The following HTT variants were observed in gnomAD, a reference collection of about 807,000 sequenced individuals.
The protein encoded by HTT is huntingtin, also known as huntington disease protein.
HTT carries 104 observed loss-of-function variants against 362.3 expected under a neutral mutation model. The observed-to-expected ratio is 0.29, with a 90% CI of 0.24 to 0.34. HTT has a LOEUF of 0.34. Ranked by LOEUF, HTT falls within the 10% of genes least tolerant of loss-of-function variation. The pLI, the probability that HTT is intolerant of heterozygous loss-of-function variation, is 1.00. For synonymous variants in HTT, 1,577 were observed against 1,548.7 expected (o/e 1.02, Z -0.43); for missense variants, 3,301 against 3,928.6 (o/e 0.84, Z 4.27).
chr4:3,130,458 C>G, intron 14 of HTT, 35 bp downstream of exon 14: 1 of 1,195,866 alleles, frequency 8.4e-7, no homozygotes, highest in Non-Finnish European at 1.2e-6. Context: ...CTTGGTGTTT[C>G]TGAGCTTGTG....
chr4:3,107,309 G>T lies in HTT; in HGVS notation c.633G>T (p.Pro211=). ...KCRPYLVNLL[P]CLTRTSKRPE... is the part of the protein sequence containing the mutation. ...GGCCTTACCTGGTGAACCTTCTGCC[G>T]TGCCTGACTCGAACAAGCAAGAGAC... Residue 211 remains proline, a synonymous_variant, in exon 6 of 67, where the codon CCG becomes CCT. Transcript: ENST00000355072. 3 of 1,614,166 alleles carry T rather than the reference G, an allele frequency of 1.9e-6. No homozygotes were observed. The highest frequency in any genetic ancestry group is 1.1e-5 in the South Asian group (1 of 91,082).
chr4:3,164,298 T>G (rs2110222227), intron 29 of HTT, among the ~76,000 whole-genome samples: 1 of 152,358 alleles, frequency 6.6e-6, no homozygotes. Context: ...AGACAGTTTG[T>G]TGTGATTTCT....
intron 38 of HTT, 108 bp from the exon 39 acceptor site, chr4:3,187,542 TG>T (rs1718824601): frequency 8.0e-6 from 6 of 749,912 alleles, no homozygotes; most frequent in Admixed American, 2.2e-5. Flanking sequence ...AGAGGTTTAT[TG>T]GTAGGATAGT....
chr4:3,178,359 T>C lies in HTT; in HGVS notation c.4525T>C (p.Tyr1509His), dbSNP rs1371341084. ...CTTGGTATTACTATCTTATGAACGC[T>C]ATCATTCAAAACAGATCATTGGAAT... ...FFLVLLSYER[Y>H]HSKQIIGIPK... is the part of the protein sequence containing the mutation. The change falls in exon 35 of 67, where the codon TAT becomes CAT. Residue 1509 changes from tyrosine to histidine, a missense_variant. By Grantham distance (83) the Tyr-to-His change is moderately conservative (BLOSUM62 2). Coordinates refer to ENST00000355072, the MANE Select transcript of HTT (RefSeq NM_001388492.1). The C allele has an allele frequency of 6.2e-7, 1 of 1,612,092 alleles. No homozygotes were observed. Among genetic ancestry groups the C allele is most frequent in the Non-Finnish European group, 8.5e-7 (1 of 1,178,106 alleles).
intron 60 of HTT, among the ~76,000 whole-genome samples, chr4:3,230,782 C>A (rs765410950): frequency 1.3e-5 from 2 of 152,048 alleles, no homozygotes; most frequent in African/African-American, 2.4e-5. Flanking sequence ...TTAGAAGGGC[C>A]CCAATCCACA....
At chr4:3,108,255 G>A (rs1192591517) in intron 6 of HTT, among the ~76,000 whole-genome samples, 1 of 152,222 alleles carries the variant, frequency 6.6e-6, no homozygotes, top group African/African-American at 2.4e-5. Context: ...GGAATAAACT[G>A]TTAGCCTCTC....
intron 64 of HTT, among the ~76,000 whole-genome samples, chr4:3,237,285 G>T: frequency 6.6e-6 from 1 of 152,164 alleles, no homozygotes; most frequent in South Asian, 2.1e-4. Flanking sequence ...TGTTGGCTGG[G>T]CTGGTCTCGA....
intron 61 of HTT, among the ~76,000 whole-genome samples, chr4:3,234,289 C>G (rs1721413016): frequency 6.6e-6 from 1 of 152,236 alleles, no homozygotes; most frequent in Non-Finnish European, 1.5e-5. Flanking sequence ...TTGCCCTCAT[C>G]CAGGCCAGAG....
At chr4:3,089,019 A>G (rs1020536731) in intron 2 of HTT, among the ~76,000 whole-genome samples, 1 of 152,202 alleles carries the variant, frequency 6.6e-6, no homozygotes, top group African/African-American at 2.4e-5. Flanking sequence ...GGAAAAAAAA[A>G]GGTTTGAATT....
chr4:3,211,816 G>T, intron 47 of HTT, 113 bp from the exon 48 acceptor site: 1 of 743,104 alleles, frequency 1.3e-6, no homozygotes, highest in Non-Finnish European at 2.3e-6. Context: ...ATACCAATTT[G>T]TATTTTCTCA....
At chr4:3,124,401 T>A (rs1252831604) in intron 10 of HTT, among the ~76,000 whole-genome samples, 1 of 152,188 alleles carries the variant, frequency 6.6e-6, no homozygotes, top group Non-Finnish European at 1.5e-5. Flanking sequence ...TTCAAACTCT[T>A]CTGTTATAGC....
chr4:3,238,668 G>C, intron 65 of HTT, 59 bp downstream of exon 65: 1 of 1,522,186 alleles, frequency 6.6e-7, no homozygotes, highest in East Asian at 2.3e-5. Flanking sequence ...AGTTGCCTCC[G>C]ACTTCCCAGC....
intron 57 of HTT, among the ~76,000 whole-genome samples, chr4:3,226,318 C>T (rs925255975): frequency 5.3e-5 from 8 of 152,040 alleles, no homozygotes; most frequent in African/African-American, 1.9e-4. Context: ...TGAAGGGATT[C>T]AAGGGTCTGG....
intron 10 of HTT, 119 bp from the exon 11 acceptor site, chr4:3,125,430 A>G (rs1230702983): frequency 1.6e-6 from 1 of 616,114 alleles, no homozygotes; most frequent in African/African-American, 1.8e-5. Flanking sequence ...ATATATGATG[A>G]TAAACTATAT....
intron 14 of HTT, among the ~76,000 whole-genome samples, chr4:3,130,677 C>G (rs972983227): frequency 6.6e-6 from 1 of 152,170 alleles, no homozygotes; most frequent in Non-Finnish European, 1.5e-5. Context: ...GTTTCCTTGT[C>G]TGATTTCTTG....
intron 61 of HTT, among the ~76,000 whole-genome samples, 199 bp from the exon 62 acceptor site, chr4:3,235,085 A>G (rs1721457529): frequency 6.6e-6 from 1 of 152,122 alleles, no homozygotes; most frequent in South Asian, 2.1e-4. Context: ...AGACGGGCTC[A>G]GCCACTCAGG....
intron 28 of HTT, among the ~76,000 whole-genome samples, chr4:3,157,548 G>T (rs1717210822): frequency 6.6e-6 from 1 of 152,084 alleles, no homozygotes. Context: ...CAACATGCTG[G>T]TCCTGCAGGT....
At chr4:3,131,144 T>G in intron 14 of HTT, 142 bp from the exon 15 acceptor site, 1 of 653,824 alleles carries the variant, frequency 1.5e-6, no homozygotes. Flanking sequence ...TGAGGTCAGG[T>G]GTGCATATGG....
chr4:3,228,541 C>T lies in HTT; in HGVS notation c.7849-74C>T, dbSNP rs944556659. On this transcript the variant is annotated intron_variant, in intron 57 of 66. Coordinates refer to ENST00000355072, the MANE Select transcript of HTT (RefSeq NM_001388492.1). The surrounding 1 kb of genome is among the most constrained non-coding windows in gnomAD (Gnocchi z 4.3). ...TAGACGGTAGGCATGTGCTGAGTCCCAGTGGCCACACCCACCCACCAGGAG... is the reference window on the plus strand; with the variant it reads ...TAGACGGTAGGCATGTGCTGAGTCCTAGTGGCCACACCCACCCACCAGGAG... The T allele has an allele frequency of 8.8e-6, 13 of 1,483,338 alleles. No individual in the cohort carries two copies. The highest frequency in any genetic ancestry group is 1.2e-5 in the Non-Finnish European group (13 of 1,108,352). 91.9% of individuals were successfully genotyped at this position (1,483,338 alleles called of 1,614,324 possible). A position where few individuals can be genotyped will look rare whatever the true frequency, so the allele number is the denominator to read the frequency against.
Sources: allele counts gnomAD v4.1 joint callset (sites outside exome capture counted in the v4.1 genomes callset), GRCh38; gene constraint gnomAD v4.1.1; non-coding constraint Gnocchi (gnomAD v3.1); transcripts MANE v1.5; gene names NCBI Gene and HGNC (gene_info 2026-07-23, HGNC 2026-07-21).